Variants in DSCAML1 observed in about 807,000 individuals in gnomAD.
DSCAML1 encodes cell adhesion molecule DSCAML1.
A neutral mutation model predicts 200.5 loss-of-function variants in DSCAML1; 38 were observed. That is an observed-to-expected ratio of 0.19 (90% confidence interval 0.15 to 0.25). The LOEUF is 0.25. DSCAML1 is among the 10% of genes least tolerant of loss of function. The pLI, the probability that DSCAML1 is intolerant of heterozygous loss-of-function variation, is 1.00. For missense variants in DSCAML1, 2,223 were observed against 2,858.8 expected, an observed-to-expected ratio of 0.78 and a Z score of 5.07; for synonymous variants, 1,215 against 1,165.0, an observed-to-expected ratio of 1.04 and a Z score of -0.87.
At chr11:117,765,055 G>T (rs570749662) in intron 3 of DSCAML1, among the ~76,000 whole-genome samples, 3 of 152,312 alleles carry the variant, frequency 2.0e-5, no homozygotes, top group South Asian at 2.1e-4. Context: ...GACCCTAAAG[G>T]CTTGGGTATT....
chr11:117,550,020 C>T (rs1405635187), intron 3 of DSCAML1, among the ~76,000 whole-genome samples: 1 of 152,184 alleles, frequency 6.6e-6, no homozygotes. Context: ...ATCTCAGCAC[C>T]TCTTCTCCCT....
intron 1 of DSCAML1, among the ~76,000 whole-genome samples, chr11:117,781,810 T>C (rs2055269182): frequency 6.6e-6 from 1 of 152,216 alleles, no homozygotes. Flanking sequence ...CATGGGAGAA[T>C]GTTCTTATGA....
At chr11:117,617,891 C>T (rs2051845058) in intron 3 of DSCAML1, among the ~76,000 whole-genome samples, 1 of 152,148 alleles carries the variant, frequency 6.6e-6, no homozygotes, top group Non-Finnish European at 1.5e-5. Flanking sequence ...AGGGCCAGGT[C>T]CTGCCACTAC....
intron 3 of DSCAML1, among the ~76,000 whole-genome samples, chr11:117,672,187 G>A (rs972519566): frequency 3.3e-5 from 5 of 151,732 alleles, no homozygotes; most frequent in African/African-American, 7.3e-5. Flanking sequence ...ACCAGAGCTC[G>A]GGAGGTTGGA....
chr11:117,465,334 T>C, intron 16 of DSCAML1, 152 bp from the exon 17 acceptor site: 1 of 1,101,176 alleles, frequency 9.1e-7, no homozygotes, highest in South Asian at 1.6e-5. Flanking sequence ...TTACAATGGC[T>C]ACTCTACCCT....
rs575340494 is a variant in DSCAML1 at position 117,487,108 on chromosome 11, A to G, written c.2360-4946T>C. Among the ~76,000 whole-genome samples the G allele has an allele frequency of 2.5e-4, 38 of 151,820 alleles. No individual in the cohort carries two copies. In the South Asian group the frequency reaches 7.9e-3, roughly 32 times the overall value. On this transcript the variant is annotated intron_variant, in intron 11 of 32. Coordinates refer to ENST00000651296, the MANE Select transcript of DSCAML1 (RefSeq NM_020693.4). ...CCTGGCTAATTTTTGCATTTTTAGT[A>G]GAGACGGGGTTTCACCATATTGGTC...
intron 29 of DSCAML1, 119 bp from the exon 30 acceptor site, chr11:117,432,623 G>C (rs2047824905): frequency 7.9e-7 from 1 of 1,263,406 alleles, no homozygotes; most frequent in Non-Finnish European, 1.1e-6. Context: ...GGATTTGTTT[G>C]TTTGTTTTTT....
At chr11:117,618,219 G>T (rs1565829554) in intron 3 of DSCAML1, among the ~76,000 whole-genome samples, 2 of 152,152 alleles carry the variant, frequency 1.3e-5, no homozygotes, top group Non-Finnish European at 1.5e-5. Context: ...TGGTTGAATG[G>T]CTTCTCCAAC....
chr11:117,513,665 CAGG>C lies in DSCAML1; in HGVS notation c.1783+2799_1783+2801del, dbSNP rs552783135. On this transcript the variant is annotated intron_variant, in intron 8 of 32. Coordinates refer to ENST00000651296, the MANE Select transcript of DSCAML1 (RefSeq NM_020693.4). ...CTGAGACAGGAGAATTGCTTGAAAC[CAGG>C]AGGAGGAGGTTGTAGTGAGCTGAGA... Among the ~76,000 whole-genome samples the C allele has an allele frequency of 2.4e-4, 36 of 149,830 alleles. No individual in the cohort carries two copies. In the East Asian group the frequency reaches 6.5e-3, roughly 27 times the overall value.
intron 3 of DSCAML1, among the ~76,000 whole-genome samples, chr11:117,641,118 G>A (rs1002979749): frequency 2.6e-5 from 4 of 152,192 alleles, no homozygotes; most frequent in South Asian, 2.1e-4. Flanking sequence ...TTCCAATAGG[G>A]GTAGGCCACA....
intron 3 of DSCAML1, among the ~76,000 whole-genome samples, chr11:117,746,938 T>C (rs1170517722): frequency 6.6e-6 from 1 of 152,028 alleles, no homozygotes; most frequent in Non-Finnish European, 1.5e-5. Flanking sequence ...AAAATAACAC[T>C]GGGTTAGAAA....
At chr11:117,438,648 A>G (rs1315632214) in intron 24 of DSCAML1, among the ~76,000 whole-genome samples, 2 of 152,188 alleles carry the variant, frequency 1.3e-5, no homozygotes, top group African/African-American at 4.8e-5. Context: ...AGAGGGAAAC[A>G]GCCTACTCCA....
intron 3 of DSCAML1, among the ~76,000 whole-genome samples, chr11:117,533,399 G>T (rs1469512633): frequency 1.3e-5 from 2 of 152,120 alleles, no homozygotes; most frequent in Non-Finnish European, 2.9e-5. Flanking sequence ...TTGTCCTTCT[G>T]CATGGAATTA....
intron 3 of DSCAML1, chr11:117,611,980 TCCC>T (rs2051703375): frequency 6.6e-6 from 1 of 151,280 alleles, no homozygotes; most frequent in South Asian, 2.1e-4. Context: ...TGTCCTACCA[TCCC>T]CCCAACACAC....
intron 3 of DSCAML1, among the ~76,000 whole-genome samples, chr11:117,770,255 G>A (rs1029633226): frequency 2.6e-5 from 4 of 152,188 alleles, no homozygotes; most frequent in Admixed American, 6.5e-5. Context: ...CTGGCACTGT[G>A]CCTGGCACCC....
At chr11:117,745,967 C>T (rs528187146) in intron 3 of DSCAML1, among the ~76,000 whole-genome samples, 1 of 152,124 alleles carries the variant, frequency 6.6e-6, no homozygotes, top group East Asian at 1.9e-4. Flanking sequence ...GTAATCCCAG[C>T]ACTTTGGGAG....
chr11:117,663,934 AGT>A (rs1193788055), intron 3 of DSCAML1, among the ~76,000 whole-genome samples: 1 of 152,236 alleles, frequency 6.6e-6, no homozygotes, highest in East Asian at 1.9e-4. Flanking sequence ...AAAGAGCACC[AGT>A]GTTTCCGCTG....
intron 3 of DSCAML1, among the ~76,000 whole-genome samples, chr11:117,766,632 C>T (rs1013927673): frequency 3.3e-5 from 5 of 152,204 alleles, no homozygotes; most frequent in South Asian, 2.1e-4. Context: ...CTGTGTCCAC[C>T]GCCAGGGTGT....
At chr11:117,803,435 G>A (rs1773078692) in intron 1 of DSCAML1, among the ~76,000 whole-genome samples, 1 of 151,886 alleles carries the variant, frequency 6.6e-6, no homozygotes, top group Admixed American at 6.6e-5. Flanking sequence ...ATTTCATGAT[G>A]GCATTTGTCA....
Sources: gnomAD v4.1 joint callset for allele counts (sites outside exome capture counted in the v4.1 genomes callset) on GRCh38, gnomAD v4.1.1 for gene constraint, MANE v1.5 for transcripts, NCBI Gene and HGNC (gene_info 2026-07-23, HGNC 2026-07-21) for gene names.